Variants in EXT1 observed in about 807,000 individuals in gnomAD.
EXT1 encodes exostosin glycosyltransferase 1, also known as exostosin-1.
Under a neutral mutation model 82.5 loss-of-function variants are expected in EXT1, and 20 were observed. The observed-to-expected ratio is 0.24, with a 90% confidence interval of 0.17 to 0.35. The LOEUF is 0.35. Among genes scored for constraint, EXT1 ranks in the 10% least tolerant of loss-of-function variants. The probability of loss-of-function intolerance (pLI) is 1.00; values close to 1 mark genes in which losing one functional copy is unlikely to be tolerated. For synonymous variants in EXT1, 348 were observed against 350.8 expected (o/e 0.99, Z 0.09); for missense variants, 757 against 936.5 (o/e 0.81, Z 2.50).
chr8:118,028,795 G>A (rs1358250580), intron 1 of EXT1, among the ~76,000 whole-genome samples: 1 of 151,974 alleles, frequency 6.6e-6, no homozygotes, highest in African/African-American at 2.4e-5. Flanking sequence ...GGTGGTGCAT[G>A]CCTATAATCC....
chr8:117,941,683 T>C (rs1480334312), intron 1 of EXT1, among the ~76,000 whole-genome samples: 1 of 152,214 alleles, frequency 6.6e-6, no homozygotes, highest in African/African-American at 2.4e-5. Flanking sequence ...TGGCACACCC[T>C]CATGTTAAAT....
At chr8:118,091,778 C>CCTCTCT (rs367571195) in intron 1 of EXT1, among the ~76,000 whole-genome samples, 1 of 139,522 alleles carries the variant, frequency 7.2e-6, no homozygotes, top group African/African-American at 2.5e-5. Flanking sequence ...TCTAACTCTC[C>CCTCTCT]CTCTCTCTCT....
At chr8:117,828,503 G>C (rs1333032095) in intron 4 of EXT1, among the ~76,000 whole-genome samples, 1 of 150,418 alleles carries the variant, frequency 6.6e-6, no homozygotes, top group Non-Finnish European at 1.5e-5. Flanking sequence ...GTGAGATCCT[G>C]TCTAAAAAAA....
intron 1 of EXT1, among the ~76,000 whole-genome samples, chr8:117,911,024 T>G (rs1403313735): frequency 6.6e-6 from 1 of 152,146 alleles, no homozygotes; most frequent in Admixed American, 6.5e-5. Flanking sequence ...CCAAGGCTGA[T>G]TTCTGACTGC....
intron 1 of EXT1, among the ~76,000 whole-genome samples, chr8:117,882,491 A>G (rs1813077781): frequency 2.0e-5 from 3 of 152,158 alleles, no homozygotes; most frequent in Admixed American, 2.0e-4. Context: ...CACTATGATT[A>G]AGGCTCCTTT....
intron 10 of EXT1, among the ~76,000 whole-genome samples, chr8:117,803,516 A>G (rs1374851184): frequency 6.6e-6 from 1 of 152,056 alleles, no homozygotes; most frequent in Non-Finnish European, 1.5e-5. Context: ...GATTTCTTAC[A>G]TATAGTAGGG....
intron 5 of EXT1, among the ~76,000 whole-genome samples, chr8:117,822,046 G>C (rs1304326038): frequency 6.6e-6 from 1 of 152,010 alleles, no homozygotes. Flanking sequence ...CACATTCTTA[G>C]TTATTTCTCC....
intron 1 of EXT1, among the ~76,000 whole-genome samples, chr8:117,851,078 T>C (rs550255416): frequency 6.6e-6 from 1 of 152,270 alleles, no homozygotes; most frequent in Admixed American, 6.5e-5. Flanking sequence ...AGGGATACTT[T>C]CCTATCTTAT....
At chr8:117,861,071 A>G (rs902403528) in intron 1 of EXT1, among the ~76,000 whole-genome samples, 1 of 152,226 alleles carries the variant, frequency 6.6e-6, no homozygotes, top group Admixed American at 6.5e-5. Context: ...TCTGGCCTTC[A>G]TCTACCCACT....
chr8:117,930,223 G>A (rs1449938645), intron 1 of EXT1, among the ~76,000 whole-genome samples: 2 of 152,134 alleles, frequency 1.3e-5, no homozygotes, highest in Admixed American at 1.3e-4. Context: ...AGTGGGACCA[G>A]TCAACATCTT....
At chr8:117,887,994 A>G (rs1272612794) in intron 1 of EXT1, among the ~76,000 whole-genome samples, 3 of 151,968 alleles carry the variant, frequency 2.0e-5, no homozygotes, top group Non-Finnish European at 4.4e-5. Flanking sequence ...CTGAGGCAGG[A>G]TAATTGCTTG....
intron 1 of EXT1, among the ~76,000 whole-genome samples, chr8:117,972,701 C>T (rs995697570): frequency 5.3e-5 from 8 of 152,124 alleles, no homozygotes; most frequent in African/African-American, 4.8e-5. Context: ...CACAGTTCGG[C>T]GTAGCTGGGG....
At chr8:117,967,063 G>A (rs1188991832) in intron 1 of EXT1, among the ~76,000 whole-genome samples, 1 of 152,168 alleles carries the variant, frequency 6.6e-6, no homozygotes, top group Non-Finnish European at 1.5e-5. Flanking sequence ...GCACTTGTGT[G>A]GCAATGATAA....
chr8:117,938,325 G>A (rs973060853), intron 1 of EXT1, among the ~76,000 whole-genome samples: 3 of 152,144 alleles, frequency 2.0e-5, no homozygotes, highest in African/African-American at 7.2e-5. Context: ...AGCTGGGCAT[G>A]GTGGCGGGGA....
At chr8:117,955,910 C>T (rs1352806079) in intron 1 of EXT1, among the ~76,000 whole-genome samples, 1 of 152,140 alleles carries the variant, frequency 6.6e-6, no homozygotes, top group Non-Finnish European at 1.5e-5. Flanking sequence ...CACCATTCAC[C>T]CCAGCCTGCC....
intron 1 of EXT1, among the ~76,000 whole-genome samples, chr8:117,990,154 C>T (rs1187105468): frequency 6.6e-6 from 1 of 152,040 alleles, no homozygotes; most frequent in South Asian, 2.1e-4. Context: ...GCCTAGGCGA[C>T]AGAGCGAGAC....
At chr8:117,855,112 C>T (rs1235716530) in intron 1 of EXT1, among the ~76,000 whole-genome samples, 2 of 152,136 alleles carry the variant, frequency 1.3e-5, no homozygotes, top group Non-Finnish European at 2.9e-5. Context: ...CAGTCATATC[C>T]TCTCTCCCCA....
chr8:117,868,333 C>G (rs1812809984), intron 1 of EXT1, among the ~76,000 whole-genome samples: 1 of 152,220 alleles, frequency 6.6e-6, no homozygotes, highest in African/African-American at 2.4e-5. Flanking sequence ...AGCATGTGAT[C>G]TAAGTATAAG....
intron 5 of EXT1, among the ~76,000 whole-genome samples, chr8:117,820,581 G>A (rs931750685): frequency 8.7e-5 from 13 of 150,288 alleles, no homozygotes; most frequent in Middle Eastern, 3.4e-3. Context: ...CCCAGTTATC[G>A]GGAGGCTGAA....
Sources: gnomAD v4.1 joint callset for allele counts (sites outside exome capture counted in the v4.1 genomes callset) on GRCh38, gnomAD v4.1.1 for gene constraint, MANE v1.5 for transcripts, NCBI Gene and HGNC (gene_info 2026-07-23, HGNC 2026-07-21) for gene names.